The following METTL4 variants were observed in gnomAD, a reference collection of about 807,000 sequenced individuals.
METTL4 encodes the protein N(6)-adenine-specific methyltransferase METTL4.
METTL4 carries 40 observed loss-of-function variants against 54.0 expected under a neutral mutation model. The observed-to-expected ratio is 0.74, with a 90% CI of 0.58 to 0.96. The LOEUF (loss-of-function observed/expected upper bound fraction) is 0.96. METTL4 is among the 50% of genes least tolerant of loss of function. The pLI, the probability that METTL4 is intolerant of heterozygous loss-of-function variation, is 0.00. For missense variants in METTL4, 525 were observed against 549.0 expected, an observed-to-expected ratio of 0.96 and a Z score of 0.44; for synonymous variants, 169 against 183.8, an observed-to-expected ratio of 0.92 and a Z score of 0.65.
rs141283010 is a variant in METTL4, at chr18:2,564,081, G to T, written c.397-222C>A. Among the ~76,000 whole-genome samples the T allele has an allele frequency of 6.6e-5, 10 of 152,170 alleles. No homozygotes were observed. In the East Asian group the frequency reaches 1.9e-3, roughly 29 times the overall value. On this transcript the variant is annotated intron_variant, in intron 2 of 8. Transcript: ENST00000574538. The stretch of plus-strand genomic sequence containing the variant: ...AACATAAACAAAATGGATTGTAAAA[G>T]GTCACCTCAGCTTTATCTGCTATTA...
At chr18:2,568,038 T>C (rs1430882517) in intron 1 of METTL4, among the ~76,000 whole-genome samples, 1 of 152,238 alleles carries the variant, frequency 6.6e-6, no homozygotes, top group African/African-American at 2.4e-5. Flanking sequence ...ATTAGAGTTC[T>C]AGATATTGCT....
Position 2,538,610 on chromosome 18 carries a change from T to G in METTL4, c.*390A>C, listed in dbSNP as rs2071944434. On this transcript the variant is annotated 3_prime_UTR_variant, in exon 9 of 9. Coordinates refer to ENST00000574538, the MANE Select transcript of METTL4 (RefSeq NM_022840.5). ...AGAAGCAGAAATCTGGACTTTAATG[T>G]GAAATAGCCCCATTTTTTAGAATAA... The G allele has an allele frequency of 6.3e-6, 1 of 159,500 alleles. No homozygotes were observed. Among genetic ancestry groups the G allele is most frequent in the African/African-American group, 2.4e-5 (1 of 41,692 alleles). 9.9% of individuals were successfully genotyped at this position (159,500 alleles called of 1,614,324 possible).
At chr18:2,562,140 G>C (rs902823775) in intron 3 of METTL4, 14 of 152,874 alleles carry the variant, frequency 9.2e-5, no homozygotes, top group Admixed American at 2.6e-4. Context: ...GGGAGGCCAA[G>C]GCAGGAGGAC....
chr18:2,555,355 G>T, intron 3 of METTL4: 2 of 286,734 alleles, frequency 7.0e-6, no homozygotes, highest in South Asian at 4.0e-5. Context: ...TAATCTATAG[G>T]GATTGCATGA....
intron 1 of METTL4, among the ~76,000 whole-genome samples, chr18:2,569,592 T>C (rs891219596): frequency 2.0e-5 from 3 of 150,308 alleles, no homozygotes; most frequent in African/African-American, 7.3e-5. Flanking sequence ...GTGTGGGCAC[T>C]CAGTTTAAGT....
At chr18:2,569,177 T>C (rs553435512) in intron 1 of METTL4, 2 of 153,060 alleles carry the variant, frequency 1.3e-5, no homozygotes, top group South Asian at 2.1e-4. Flanking sequence ...TTAAGCAGTC[T>C]TCATTTTCAA....
At chr18:2,566,067 A>G (rs2072411925) in intron 2 of METTL4, among the ~76,000 whole-genome samples, 1 of 148,766 alleles carries the variant, frequency 6.7e-6, no homozygotes, top group Non-Finnish European at 1.5e-5. Context: ...ATAAATAAAT[A>G]AATAAATAAA....
rs766179724 is a variant in METTL4, at chr18:2,549,071, A to G, written c.900-1542T>C. Among the ~76,000 whole-genome samples, 5 of 152,328 alleles carry G rather than the reference A, an allele frequency of 3.3e-5. No homozygotes were observed. The South Asian group carries it at 6.2e-4, about 19-fold the overall frequency. On this transcript the variant is annotated intron_variant, in intron 5 of 8. Transcript: ENST00000574538. ...TTGACCAAACTCTCTCTTAGCAGGT[A>G]AAGTTAACTCATACATCAGTAAAAC...
chr18:2,561,942 A>G (rs2072326277), intron 3 of METTL4: 1 of 152,200 alleles, frequency 6.6e-6, no homozygotes, highest in South Asian at 2.1e-4. Flanking sequence ...TCCAAAATTA[A>G]CAGATAAACT....
At chr18:2,555,725 G>A (rs1409427196) in intron 3 of METTL4, among the ~76,000 whole-genome samples, 11 of 152,012 alleles carry the variant, frequency 7.2e-5, no homozygotes, top group Admixed American at 7.2e-4. Context: ...TTCTGGACAA[G>A]ATGGAGTATC....
intron 2 of METTL4, among the ~76,000 whole-genome samples, chr18:2,566,328 A>T (rs1253055254): frequency 1.3e-5 from 2 of 152,090 alleles, no homozygotes; most frequent in African/African-American, 2.4e-5. Flanking sequence ...TACTTGTATC[A>T]CTAGAAACTT....
At chr18:2,541,713 T>C (rs2071994777) in intron 8 of METTL4, among the ~76,000 whole-genome samples, 1 of 149,272 alleles carries the variant, frequency 6.7e-6, no homozygotes, top group Non-Finnish European at 1.5e-5. Flanking sequence ...TGTGGTCTCC[T>C]ACATTTTGCA....
At chr18:2,544,317 AT>A in intron 7 of METTL4, 31 bp from the exon 8 acceptor site, 6 of 1,536,134 alleles carry the variant, frequency 3.9e-6, no homozygotes, top group Non-Finnish European at 5.3e-6. Flanking sequence ...AGTAAACTAT[AT>A]TTTAAAAAAC....
chr18:2,567,388 C>T lies in METTL4; in HGVS notation c.-172G>A. The T allele has an allele frequency of 2.0e-6, 1 of 493,940 alleles. No homozygotes were observed. The highest frequency in any genetic ancestry group is 3.5e-6 in the Non-Finnish European group (1 of 285,748). The allele number at this position is 493,940 out of a possible 1,614,324, so 30.6% of individuals were successfully genotyped here. ...TGCACATTGAAGAGAATTTATCATTCATGATGTTAATATATACAGAAATTC... is the reference window on the plus strand; with the variant it reads ...TGCACATTGAAGAGAATTTATCATTTATGATGTTAATATATACAGAAATTC... On this transcript the variant is annotated 5_prime_UTR_variant, in exon 2 of 9. The change abolishes an upstream ATG in the 5' untranslated region. Transcript: ENST00000574538.
chr18:2,549,738 T>C (rs2072123661), intron 5 of METTL4, among the ~76,000 whole-genome samples: 1 of 150,456 alleles, frequency 6.6e-6, no homozygotes, highest in Non-Finnish European at 1.5e-5. Context: ...TCCCAACACT[T>C]TGGGAGGCCG....
At chr18:2,545,302 G>C (rs2072054734) in intron 6 of METTL4, among the ~76,000 whole-genome samples, 1 of 151,978 alleles carries the variant, frequency 6.6e-6, no homozygotes, top group South Asian at 2.1e-4. Flanking sequence ...TAATTTATTA[G>C]TTCATGCAAA....
Position 2,567,322 on chromosome 18 carries a change from A to G in METTL4, c.-106T>C. 1 of 985,522 alleles carries G rather than the reference A, an allele frequency of 1.0e-6. No individual in the cohort carries two copies. The highest frequency in any genetic ancestry group is 1.5e-6 in the Non-Finnish European group (1 of 676,192). The allele number at this position is 985,522 out of a possible 1,614,324, so 61.0% of individuals were successfully genotyped here. A position where few individuals can be genotyped will look rare whatever the true frequency, so the allele number is the denominator to read the frequency against. ...GTATTTCAATAAACATACACTTCAT[A>G]CACACAGATAGATTTGATATACAAG... On this transcript the variant is annotated 5_prime_UTR_variant, in exon 2 of 9. Transcript: ENST00000574538.
intron 8 of METTL4, among the ~76,000 whole-genome samples, chr18:2,543,475 C>T (rs951004118): frequency 1.4e-4 from 21 of 152,138 alleles, no homozygotes; most frequent in African/African-American, 5.1e-4. Context: ...CTATCACATG[C>T]TACGGAACTT....
intron 2 of METTL4, among the ~76,000 whole-genome samples, chr18:2,566,275 T>C (rs1444852547): frequency 6.6e-6 from 1 of 151,988 alleles, no homozygotes; most frequent in African/African-American, 2.4e-5. Context: ...AATATACAAA[T>C]ACATATACTT....
Sources: allele counts gnomAD v4.1 joint callset (sites outside exome capture counted in the v4.1 genomes callset), GRCh38; gene constraint gnomAD v4.1.1; transcripts MANE v1.5; gene names NCBI Gene and HGNC (gene_info 2026-07-23, HGNC 2026-07-21).